GABRG3: variants seen among roughly 807,000 people sequenced by gnomAD.
GABRG3 encodes gamma-aminobutyric acid type A receptor subunit gamma3, also known as gamma-aminobutyric acid receptor subunit gamma-3.
Under a neutral mutation model 48.8 loss-of-function variants are expected in GABRG3, and 25 were observed. The observed-to-expected ratio is 0.51, with a 90% CI of 0.37 to 0.72. The LOEUF is 0.72. Among genes scored for constraint, GABRG3 ranks in the 30% least tolerant of loss-of-function variants. The pLI, the probability that GABRG3 is intolerant of heterozygous loss-of-function variation, is 0.00. For synonymous variants in GABRG3, 227 were observed against 217.6 expected (o/e 1.04, Z -0.38); for missense variants, 394 against 577.9 (o/e 0.68, Z 3.26).
At chr15:27,046,560 A>C (rs17137565) in intron 3 of GABRG3, among the ~76,000 whole-genome samples, 4,363 of 152,196 alleles carry the variant, frequency 0.029, 213 homozygotes, top group African/African-American at 0.1. Context: ...CGCATCCCTT[A>C]CTGGCTTGTC....
chr15:27,140,695 T>G (rs1003409869), intron 3 of GABRG3, among the ~76,000 whole-genome samples: 1 of 152,184 alleles, frequency 6.6e-6, no homozygotes, highest in Admixed American at 6.5e-5. Flanking sequence ...TATTTTCTTG[T>G]TCTCTGATTG....
chr15:27,002,518 G>A (rs1017670383), intron 2 of GABRG3, among the ~76,000 whole-genome samples: 1 of 152,154 alleles, frequency 6.6e-6, no homozygotes, highest in African/African-American at 2.4e-5. Flanking sequence ...TTTTAGTGCA[G>A]CATTTCATTT....
intron 2 of GABRG3, among the ~76,000 whole-genome samples, chr15:27,019,123 C>G (rs2140674473): frequency 8.8e-6 from 1 of 113,298 alleles, no homozygotes; most frequent in South Asian, 3.1e-4. Context: ...GGCTGGAGTG[C>G]TGTGGTGCGA....
intron 3 of GABRG3, among the ~76,000 whole-genome samples, chr15:27,189,380 T>A (rs1888216089): frequency 6.6e-6 from 1 of 152,224 alleles, no homozygotes. Flanking sequence ...TTCTTCCATT[T>A]CTTTGTATCC....
At position 27,253,461 on chromosome 15, in the gene GABRG3, G is replaced by C. The variant is rs1005036082; in HGVS notation, c.271-73348G>C. On this transcript the variant is annotated intron_variant, in intron 3 of 9. Transcript: ENST00000615808. ...CAGCTGGCCCATTTGTCTCCTTATG[G>C]CTTTGAGAATCTGACTGCCACAGGA... 3.3e-5 allele frequency among the ~76,000 whole-genome samples: 5 copies of C among 152,312 alleles called. No homozygotes were observed. In the South Asian group the frequency reaches 6.2e-4, roughly 19 times the overall value.
intron 3 of GABRG3, among the ~76,000 whole-genome samples, chr15:27,325,158 T>C (rs144778876): frequency 8.5e-5 from 13 of 152,298 alleles, no homozygotes; most frequent in African/African-American, 3.1e-4. Flanking sequence ...AGTCAGCACA[T>C]GCTAGGTTAT....
chr15:27,238,959 T>C (rs1281231333), intron 3 of GABRG3, among the ~76,000 whole-genome samples: 1 of 152,174 alleles, frequency 6.6e-6, no homozygotes, highest in Non-Finnish European at 1.5e-5. Context: ...AAATTTGGCA[T>C]GCGGAAGTGT....
rs1460065561 is a variant in GABRG3 at position 27,540,418 on chromosome 15, C to A, written c.*7537C>A. On this transcript the variant is annotated 3_prime_UTR_variant, in exon 10 of 10. Coordinates refer to ENST00000615808, the MANE Select transcript of GABRG3 (RefSeq NM_033223.5). ...TGAGCTCAAAAAGACAATCACTGTG[C>A]TTCTTATCATCTAATTTGAGTCTAG... is the stretch of plus-strand genomic sequence containing the variant. 4.6e-5 allele frequency: 7 copies of A among 152,164 alleles called. No homozygotes were observed. Among genetic ancestry groups the A allele is most frequent in the Non-Finnish European group, 7.3e-5 (5 of 68,032 alleles). The allele number at this position is 152,164 out of a possible 1,614,324, so 9.4% of individuals were successfully genotyped here.
chr15:27,189,044 A>G (rs1888201927), intron 3 of GABRG3, among the ~76,000 whole-genome samples: 1 of 151,890 alleles, frequency 6.6e-6, no homozygotes, highest in Non-Finnish European at 1.5e-5. Context: ...TTGTAGATAT[A>G]TGGCGTTGTT....
Position 27,186,610 on chromosome 15 carries a change from G to A in GABRG3, c.271-140199G>A, listed in dbSNP as rs141013377. ...AATCTCTAAACTGCCCTTCACAGTG[G>A]CTGAACTAACATTTTCACCAACAAT... is the stretch of plus-strand genomic sequence containing the variant. On this transcript the variant is annotated intron_variant, in intron 3 of 9. Transcript: ENST00000615808. Among the ~76,000 whole-genome samples the A allele has an allele frequency of 2.8e-3, 433 of 152,216 alleles. 2 individuals carry two copies. The highest frequency in any genetic ancestry group is 7.9e-3 in the South Asian group (38 of 4,822).
chr15:27,361,123 G>T (rs768848215), intron 5 of GABRG3, among the ~76,000 whole-genome samples: 12 of 152,344 alleles, frequency 7.9e-5, no homozygotes, highest in African/African-American at 2.9e-4. Flanking sequence ...TGGCTGTGGC[G>T]TTTAGCTTTC....
At chr15:27,512,932 C>CT (rs1417192406) in intron 6 of GABRG3, among the ~76,000 whole-genome samples, 2 of 152,034 alleles carry the variant, frequency 1.3e-5, no homozygotes, top group Non-Finnish European at 2.9e-5. Context: ...AAAGACAAAA[C>CT]GTAAAACACT....
chr15:26,983,156 T>C (rs1023915947), intron 2 of GABRG3, among the ~76,000 whole-genome samples: 45 of 152,150 alleles, frequency 3.0e-4, no homozygotes, highest in Non-Finnish European at 5.7e-4. Flanking sequence ...TCATGACTTT[T>C]TTTTTTTTTC....
At chr15:27,476,927 A>T (rs775284985) in intron 5 of GABRG3, among the ~76,000 whole-genome samples, 54 of 152,342 alleles carry the variant, frequency 3.5e-4, no homozygotes, top group Middle Eastern at 6.8e-3. Context: ...AGAGAAAAGC[A>T]ATATTTACTT....
At chr15:26,978,533 C>T (rs1894993409) in intron 2 of GABRG3, among the ~76,000 whole-genome samples, 1 of 152,040 alleles carries the variant, frequency 6.6e-6, no homozygotes, top group Non-Finnish European at 1.5e-5. Flanking sequence ...AATTTCTTTT[C>T]CCCACCCTCC....
intron 3 of GABRG3, among the ~76,000 whole-genome samples, chr15:27,311,248 C>T (rs1050743085): frequency 6.6e-6 from 1 of 151,708 alleles, no homozygotes; most frequent in African/African-American, 2.4e-5. Flanking sequence ...CACAAAACTA[C>T]CCACATCAAA....
At chr15:27,212,714 A>G (rs1889116363) in intron 3 of GABRG3, among the ~76,000 whole-genome samples, 1 of 152,172 alleles carries the variant, frequency 6.6e-6, no homozygotes, top group South Asian at 2.1e-4. Context: ...TGTACTCACG[A>G]AACACTAACT....
intron 6 of GABRG3, among the ~76,000 whole-genome samples, chr15:27,509,292 C>G (rs1890840421): frequency 6.6e-6 from 1 of 152,048 alleles, no homozygotes; most frequent in South Asian, 2.1e-4. Flanking sequence ...TGGTTTTCAG[C>G]ACTTTTAATA....
intron 3 of GABRG3, among the ~76,000 whole-genome samples, chr15:27,130,779 T>C (rs1897902816): frequency 6.6e-6 from 1 of 152,130 alleles, no homozygotes; most frequent in Admixed American, 6.5e-5. Flanking sequence ...TTGGTACTAT[T>C]GTAAATGGAA....
Sources: allele counts gnomAD v4.1 joint callset (sites outside exome capture counted in the v4.1 genomes callset), GRCh38; gene constraint gnomAD v4.1.1; transcripts MANE v1.5; gene names NCBI Gene and HGNC (gene_info 2026-07-23, HGNC 2026-07-21).